Variants in EPHA4 observed in about 807,000 individuals in gnomAD.
The protein encoded by EPHA4 is EPH receptor A4, also known as ephrin type-A receptor 4.
Under a neutral mutation model 108.3 loss-of-function variants are expected in EPHA4, and 19 were observed. The ratio of observed to expected loss-of-function variants is 0.18; its 90% CI spans 0.12 to 0.26. The LOEUF (loss-of-function observed/expected upper bound fraction) is 0.26. Ranked by LOEUF, EPHA4 falls within the 10% of genes least tolerant of loss-of-function variation. The pLI, the probability that EPHA4 is intolerant of heterozygous loss-of-function variation, is 1.00. For missense variants in EPHA4, 917 were observed against 1,254.0 expected (o/e 0.73, Z 4.06); for synonymous variants, 449 against 455.5 (o/e 0.99, Z 0.18).
chr2:221,564,278 T>C lies in EPHA4; in HGVS notation c.276A>G (p.Glu92=). The change falls in exon 3 of 18, where the codon GAA becomes GAG. Residue 92 remains glutamate (E), a synonymous_variant. Transcript: ENST00000281821. The stretch of plus-strand genomic sequence containing the variant: ...TCTCAATATACACCCTCTGAGCCCC[T>C]TCTCGGGTGATCCAATCAGTTCGTA... ...NWLRTDWITR[E]GAQRVYIEIK... 6.2e-7 allele frequency: 1 copy of C among 1,614,154 alleles called. No individual in the cohort carries two copies. Among genetic ancestry groups the C allele is most frequent in the Non-Finnish European group, 8.5e-7 (1 of 1,180,024 alleles).
intron 3 of EPHA4, among the ~76,000 whole-genome samples, chr2:221,562,839 G>A (rs907508449): frequency 6.6e-6 from 1 of 151,936 alleles, no homozygotes; most frequent in African/African-American, 2.4e-5. Flanking sequence ...TAAAGCAAAG[G>A]ACTTTATACA....
rs1444225022 is a variant in EPHA4, at chr2:221,550,416, GGGGAGAGAGAGA to G, written c.823+13303_823+13314del. Among the ~76,000 whole-genome samples, 903 of 130,732 alleles carry G rather than the reference GGGGAGAGAGAGA, an allele frequency of 6.9e-3. 12 individuals are homozygous for G. Among genetic ancestry groups the G allele is most frequent in the African/African-American group, 0.028 (859 of 31,202 alleles). 85.8% of individuals were successfully genotyped at this position (130,732 alleles called of 152,430 possible). ...ATAGTACCAAAACCTGATGAGGAAA[GGGGAGAGAGAGA>G]GAGAGAGAGAGAGAGAGAGAGAGAG... On this transcript the variant is annotated intron_variant, in intron 3 of 17. Coordinates refer to ENST00000281821, the MANE Select transcript of EPHA4 (RefSeq NM_004438.5).
chr2:221,449,867 A>C (rs989066800), intron 8 of EPHA4, among the ~76,000 whole-genome samples: 3 of 152,244 alleles, frequency 2.0e-5, no homozygotes, highest in African/African-American at 7.2e-5. Context: ...ATTAAAAATA[A>C]AGCAACGTAA....
intron 3 of EPHA4, among the ~76,000 whole-genome samples, chr2:221,508,845 C>T (rs1692716703): frequency 6.6e-6 from 1 of 152,130 alleles, no homozygotes; most frequent in Non-Finnish European, 1.5e-5. Context: ...AATACTGTCT[C>T]AAGTAAGTAG....
At chr2:221,427,482 T>C (rs1028993170) in intron 15 of EPHA4, among the ~76,000 whole-genome samples, 1 of 152,236 alleles carries the variant, frequency 6.6e-6, no homozygotes, top group East Asian at 1.9e-4. Context: ...AAGAGAATTA[T>C]AGTTAGTTAT....
intron 2 of EPHA4, among the ~76,000 whole-genome samples, chr2:221,566,963 G>GGAAGAGGAAGAAGAA (rs1553595980): frequency 0.02 from 207 of 10,568 alleles, 65 homozygotes; most frequent in African/African-American, 0.057. Context: ...AAGGGGAAGA[G>GGAAGAGGAAGAAGAA]GAAGAGGAAG....
intron 3 of EPHA4, among the ~76,000 whole-genome samples, chr2:221,527,055 C>T (rs754040738): frequency 6.0e-5 from 9 of 150,880 alleles, no homozygotes; most frequent in African/African-American, 2.0e-4. Flanking sequence ...TGAACCCGGG[C>T]GGAGCTTGCA....
intron 2 of EPHA4, among the ~76,000 whole-genome samples, 175 bp downstream of exon 2, chr2:221,568,541 CAG>C (rs1694735791): frequency 6.6e-6 from 1 of 152,176 alleles, no homozygotes; most frequent in Non-Finnish European, 1.5e-5. Flanking sequence ...TCTTCCATGA[CAG>C]AGTTATCCAA....
chr2:221,423,880 C>A (rs1689822583), intron 17 of EPHA4, among the ~76,000 whole-genome samples: 4 of 152,108 alleles, frequency 2.6e-5, no homozygotes. Flanking sequence ...CTTTGGGAGG[C>A]TGAGGCAGGT....
intron 3 of EPHA4, among the ~76,000 whole-genome samples, chr2:221,552,722 G>A (rs1694199282): frequency 6.6e-6 from 1 of 152,178 alleles, no homozygotes; most frequent in Non-Finnish European, 1.5e-5. Context: ...AAGCAAGAGA[G>A]GTTGGCCAAA....
chr2:221,566,827 GAGAAGGAGA>G (rs1694647561), intron 2 of EPHA4, among the ~76,000 whole-genome samples: 1 of 127,552 alleles, frequency 7.8e-6, no homozygotes, highest in Non-Finnish European at 1.6e-5. Flanking sequence ...GGAGAAGAAG[GAGAAGGAGA>G]AGAAGGAGAA....
rs747279418 is a variant in EPHA4, at chr2:221,482,656, A to C, written c.1014T>G (p.Asn338Lys). Reference sequence around the variant, plus strand: ...CCAAGTTCACAGATGTCTCGTTGACATTTGAAATCAAGTTCAGGGGAGCAG... The same window carrying C: ...CCAAGTTCACAGATGTCTCGTTGACCTTTGAAATCAAGTTCAGGGGAGCAG... ...PPSAPLNLIS[N>K]VNETSVNLEW... Residue 338 changes from asparagine to lysine, a missense_variant, in exon 5 of 18, where the codon AAT becomes AAG. Physicochemically the swap from Asn to Lys is moderately conservative, Grantham distance 94 (BLOSUM62 0). This residue lies in a region of EPHA4 where 758 missense variants were observed against 1,076.7 expected (regional missense o/e 0.70). Transcript: ENST00000281821. 1.2e-6 allele frequency: 2 copies of C among 1,601,648 alleles called. No individual in the cohort carries two copies. Among genetic ancestry groups the C allele is most frequent in the South Asian group, 1.1e-5 (1 of 90,830 alleles).
intron 17 of EPHA4, among the ~76,000 whole-genome samples, chr2:221,422,278 T>C (rs1689781638): frequency 6.6e-6 from 1 of 152,202 alleles, no homozygotes; most frequent in African/African-American, 2.4e-5. Context: ...TTTCATCAGG[T>C]GGGCAGGTAT....
chr2:221,556,972 G>C (rs1694325733), intron 3 of EPHA4, among the ~76,000 whole-genome samples: 1 of 152,128 alleles, frequency 6.6e-6, no homozygotes, highest in South Asian at 2.1e-4. Context: ...ATCGTCCAAA[G>C]TTAAAGGGGA....
chr2:221,443,087 T>C (rs1240643420), intron 10 of EPHA4, 73 bp from the exon 11 acceptor site: 7 of 1,479,186 alleles, frequency 4.7e-6, no homozygotes, highest in Non-Finnish European at 6.5e-6. Context: ...CTAACATTCC[T>C]TGAGTGCTTG....
At chr2:221,433,899 T>TA (rs1354185554) in intron 14 of EPHA4, among the ~76,000 whole-genome samples, 1 of 152,228 alleles carries the variant, frequency 6.6e-6, no homozygotes, top group Non-Finnish European at 1.5e-5. Context: ...CCATATTTTT[T>TA]ATCCATGAAT....
chr2:221,494,542 A>C lies in EPHA4; in HGVS notation c.979+6475T>G, dbSNP rs1692248463. On this transcript the variant is annotated intron_variant, in intron 4 of 17. Coordinates refer to ENST00000281821, the MANE Select transcript of EPHA4 (RefSeq NM_004438.5). Reference sequence around the variant, plus strand: ...GAATTGTTTTAACTCGGGAGGTGGCAGTTACAGTGAGCTGAGATAGCGCCA... The same window carrying C: ...GAATTGTTTTAACTCGGGAGGTGGCCGTTACAGTGAGCTGAGATAGCGCCA... Among the ~76,000 whole-genome samples the C allele has an allele frequency of 2.0e-5, 3 of 152,238 alleles. No individual in the cohort carries two copies. The South Asian group carries it at 6.2e-4, about 32-fold the overall frequency.
chr2:221,444,680 T>A (rs1690532609), intron 9 of EPHA4, among the ~76,000 whole-genome samples: 1 of 151,530 alleles, frequency 6.6e-6, no homozygotes, highest in Non-Finnish European at 1.5e-5. Context: ...TCACTTTATA[T>A]GCTATAGCCA....
chr2:221,527,847 G>A (rs1029957523), intron 3 of EPHA4, among the ~76,000 whole-genome samples: 3 of 151,980 alleles, frequency 2.0e-5, no homozygotes, highest in Non-Finnish European at 2.9e-5. Context: ...AGGAACTGTC[G>A]GAGCAGGGTG....
Sources: gnomAD v4.1 joint callset for allele counts (sites outside exome capture counted in the v4.1 genomes callset) on GRCh38, gnomAD v4.1.1 for gene constraint, gnomAD v4.1.1 regional missense constraint, MANE v1.5 for transcripts, NCBI Gene and HGNC (gene_info 2026-07-23, HGNC 2026-07-21) for gene names.